Variants in ABLIM1 observed in about 807,000 individuals in gnomAD.
ABLIM1 encodes actin-binding LIM protein 1.
In ABLIM1, 40 loss-of-function variants were observed where a neutral mutation model predicts 107.0. That is an observed-to-expected ratio of 0.37 (90% CI 0.29 to 0.49). The LOEUF is 0.49. Among genes scored for constraint, ABLIM1 ranks in the 20% least tolerant of loss-of-function variants. The probability of loss-of-function intolerance (pLI) is 0.97; values close to 1 mark genes in which losing one functional copy is unlikely to be tolerated. For synonymous variants in ABLIM1, 357 were observed against 357.3 expected (o/e 1.00, Z 0.01); for missense variants, 857 against 1,008.5 (o/e 0.85, Z 2.04).
chr10:114,684,814 T>G (rs188883369), exon 1 of ABLIM1: 26 of 790,942 alleles, frequency 3.3e-5, no homozygotes, highest in Non-Finnish European at 3.8e-5. Context: ...AAGAAAAGGA[T>G]CGATTATTCC....
chr10:114,649,144 C>A (rs1358449795), intron 1 of ABLIM1, among the ~76,000 whole-genome samples: 1 of 151,948 alleles, frequency 6.6e-6, no homozygotes, highest in Non-Finnish European at 1.5e-5. Context: ...ACACCTATAA[C>A]CCCAGTGCTT....
At chr10:114,519,299 A>G (rs1272892283) in intron 6 of ABLIM1, among the ~76,000 whole-genome samples, 6 of 152,292 alleles carry the variant, frequency 3.9e-5, no homozygotes, top group African/African-American at 1.2e-4. Flanking sequence ...CTTTCCTGCT[A>G]ATGATATTTC....
chr10:114,547,462 T>G, intron 5 of ABLIM1, 188 bp downstream of exon 5: 1 of 707,998 alleles, frequency 1.4e-6, no homozygotes, highest in Non-Finnish European at 2.3e-6. Flanking sequence ...TATCATTAGG[T>G]TTATAGTAGC....
intron 2 of ABLIM1, among the ~76,000 whole-genome samples, chr10:114,594,788 G>A (rs1365848120): frequency 1.3e-5 from 2 of 152,052 alleles, no homozygotes; most frequent in Non-Finnish European, 2.9e-5. Flanking sequence ...GAATAACCAA[G>A]TTCTAAATAA....
rs2061918903 is a variant in ABLIM1, at chr10:114,451,611, A to G, written c.1594+13T>C. ...TGCTATTTAAAAGCTACGCGGAGGAAAGCGGGTTTTACCATGCTGTTTGTA... is the reference window on the plus strand; with the variant it reads ...TGCTATTTAAAAGCTACGCGGAGGAGAGCGGGTTTTACCATGCTGTTTGTA... On this transcript the variant is annotated intron_variant, in intron 14 of 22. Coordinates refer to ENST00000533213, the MANE Select transcript of ABLIM1 (RefSeq NM_002313.7). 6.2e-6 allele frequency: 10 copies of G among 1,609,490 alleles called. No individual in the cohort carries two copies. Among genetic ancestry groups the G allele is most frequent in the Non-Finnish European group, 6.8e-6 (8 of 1,175,886 alleles).
At chr10:114,766,099 AAGCTT>A (rs1318555283) in intron 1 of ABLIM1, among the ~76,000 whole-genome samples, 1 of 152,198 alleles carries the variant, frequency 6.6e-6, no homozygotes, top group Non-Finnish European at 1.5e-5. Context: ...GCCATTTACC[AAGCTT>A]AGCTCAGGCA....
At chr10:114,571,489 G>T in intron 3 of ABLIM1, 83 bp from the exon 4 acceptor site, 3 of 1,344,138 alleles carry the variant, frequency 2.2e-6, no homozygotes, top group East Asian at 2.3e-5. Context: ...CTGCCCTCCG[G>T]TGCCCATTTA....
chr10:114,636,853 T>C (rs1203826825), intron 1 of ABLIM1, among the ~76,000 whole-genome samples: 1 of 151,928 alleles, frequency 6.6e-6, no homozygotes, highest in East Asian at 1.9e-4. Flanking sequence ...GCCAACACGG[T>C]GAAACCCCAT....
intron 6 of ABLIM1, among the ~76,000 whole-genome samples, chr10:114,506,369 T>C (rs746063838): frequency 6.6e-6 from 1 of 152,220 alleles, no homozygotes; most frequent in Non-Finnish European, 1.5e-5. Context: ...TTTCTTTGGG[T>C]ATATACCCAG....
upstream of ABLIM1, among the ~76,000 whole-genome samples, chr10:114,685,551 C>T (rs755542537): frequency 4.6e-5 from 7 of 152,184 alleles, no homozygotes; most frequent in Non-Finnish European, 1.0e-4. Context: ...CCTCATGGGT[C>T]ACCCTATGTG....
At chr10:114,541,349 T>C (rs1386337532) in intron 6 of ABLIM1, among the ~76,000 whole-genome samples, 2 of 152,046 alleles carry the variant, frequency 1.3e-5, no homozygotes, top group Non-Finnish European at 2.9e-5. Flanking sequence ...AATACATTTG[T>C]AAAGGGATAA....
chr10:114,510,409 T>C (rs905452406), intron 6 of ABLIM1, among the ~76,000 whole-genome samples: 3 of 150,890 alleles, frequency 2.0e-5, no homozygotes, highest in African/African-American at 5.0e-5. Flanking sequence ...ATAAAGCACA[T>C]GCCATTTATA....
intron 1 of ABLIM1, among the ~76,000 whole-genome samples, chr10:114,740,076 G>T (rs2082256219): frequency 6.6e-6 from 1 of 152,098 alleles, no homozygotes; most frequent in African/African-American, 2.4e-5. Context: ...GCAATTATAA[G>T]ACGCAGAGAA....
Position 114,432,165 on chromosome 10 carries a change from C to T in ABLIM1, c.*4095G>A, listed in dbSNP as rs1309074803. The T allele has an allele frequency of 6.6e-6, 1 of 152,162 alleles. No homozygotes were observed. The highest frequency in any genetic ancestry group is 1.5e-5 in the Non-Finnish European group (1 of 68,036). 9.4% of individuals were successfully genotyped at this position (152,162 alleles called of 1,614,324 possible). ...ACAAAAGAGCAAGCTTTGGGGCATACTGACAAACACTTCATTGGTTAGAAG... is the reference window on the plus strand; with the variant it reads ...ACAAAAGAGCAAGCTTTGGGGCATATTGACAAACACTTCATTGGTTAGAAG... On this transcript the variant is annotated 3_prime_UTR_variant, in exon 23 of 23. Coordinates refer to ENST00000533213, the MANE Select transcript of ABLIM1 (RefSeq NM_002313.7).
At chr10:114,668,020 TG>T (rs1444045976) in intron 1 of ABLIM1, among the ~76,000 whole-genome samples, 4 of 147,488 alleles carry the variant, frequency 2.7e-5, no homozygotes, top group Non-Finnish European at 6.0e-5. Flanking sequence ...TGTCATTGAC[TG>T]GGAGGGGGTG....
At chr10:114,789,170 G>A in the ABLIM1 span, among the ~76,000 whole-genome samples, 1 of 151,946 alleles carries the variant, frequency 6.6e-6, no homozygotes, top group African/African-American at 2.4e-5. Context: ...CAGAAGAATC[G>A]CTTGAACCTG....
chr10:114,624,900 G>A (rs919819761), intron 1 of ABLIM1, among the ~76,000 whole-genome samples: 12 of 151,780 alleles, frequency 7.9e-5, no homozygotes, highest in African/African-American at 2.9e-4. Context: ...TTATAAAATA[G>A]TACAAGCAAT....
intron 6 of ABLIM1, among the ~76,000 whole-genome samples, chr10:114,524,429 C>G (rs543978798): frequency 6.6e-6 from 1 of 152,106 alleles, no homozygotes; most frequent in East Asian, 1.9e-4. Flanking sequence ...CAAAACAAGG[C>G]CCAATTCCTA....
At chr10:114,531,313 T>C (rs955524140) in intron 6 of ABLIM1, among the ~76,000 whole-genome samples, 4 of 152,234 alleles carry the variant, frequency 2.6e-5, no homozygotes, top group African/African-American at 9.6e-5. Context: ...AGATGACTCT[T>C]ACTATCTGTT....
Sources: gnomAD v4.1 joint callset for allele counts (sites outside exome capture counted in the v4.1 genomes callset) on GRCh38, gnomAD v4.1.1 for gene constraint, MANE v1.5 for transcripts, NCBI Gene and HGNC (gene_info 2026-07-23, HGNC 2026-07-21) for gene names.